The following MINPP1 variants were observed in gnomAD, a reference collection of about 807,000 sequenced individuals.
The protein encoded by MINPP1 is multiple inositol-polyphosphate phosphatase 1.
MINPP1 carries 28 observed loss-of-function variants against 46.1 expected under a neutral mutation model. The ratio of observed to expected loss-of-function variants is 0.61; its 90% CI spans 0.45 to 0.83. The LOEUF is 0.83. Ranked by LOEUF, MINPP1 falls within the 40% of genes least tolerant of loss-of-function variation. The pLI is 0.00. For synonymous variants in MINPP1, 268 were observed against 249.1 expected, an observed-to-expected ratio of 1.08 and a Z score of -0.72; for missense variants, 603 against 610.0, an observed-to-expected ratio of 0.99 and a Z score of 0.12.
intron 2 of MINPP1, among the ~76,000 whole-genome samples, chr10:87,509,483 C>G (rs945867987): frequency 3.9e-5 from 6 of 152,166 alleles, no homozygotes; most frequent in Admixed American, 1.3e-4. Flanking sequence ...ATAATTCAAA[C>G]ACGAAGATAA....
chr10:87,511,717 AT>A (rs34844494), intron 2 of MINPP1, among the ~76,000 whole-genome samples: 1 of 149,706 alleles, frequency 6.7e-6, no homozygotes, highest in Non-Finnish European at 1.5e-5. Context: ...TTTTTGGTGA[AT>A]TTTTTTTTTC....
intron 4 of MINPP1, among the ~76,000 whole-genome samples, chr10:87,524,076 A>T (rs143995860): frequency 6.6e-6 from 1 of 152,320 alleles, no homozygotes; most frequent in Non-Finnish European, 1.5e-5. Context: ...GAGTCATCCT[A>T]TCCTTTGAAG....
At chr10:87,538,266 G>A (rs1449261363) in intron 4 of MINPP1, among the ~76,000 whole-genome samples, 1 of 152,104 alleles carries the variant, frequency 6.6e-6, no homozygotes. Context: ...TGTGAATTCA[G>A]CCAGTGTGGC....
chr10:87,527,932 T>G (rs1236117216), intron 4 of MINPP1, among the ~76,000 whole-genome samples: 1 of 152,196 alleles, frequency 6.6e-6, no homozygotes, highest in African/African-American at 2.4e-5. Context: ...TGGTTTAGTC[T>G]TGGGAGGGTG....
Position 87,505,198 on chromosome 10 carries a change from A to G in MINPP1, c.283A>G (p.Thr95Ala), listed in dbSNP as rs1476698788. 3 of 1,609,982 alleles carry G rather than the reference A, an allele frequency of 1.9e-6. No homozygotes were observed. Among genetic ancestry groups the G allele is most frequent in the East Asian group, 4.5e-5 (2 of 44,802 alleles). The change falls in exon 1 of 5, where the codon ACG (threonine) becomes GCG (alanine). Residue 95 changes from threonine (T) to alanine (A), a missense_variant. Around this residue, in one of 3 missense-constraint regions of MINPP1, gnomAD observed 239 missense variants for 189.4 expected, o/e 1.26. Coordinates refer to ENST00000371996, the MANE Select transcript of MINPP1 (RefSeq NM_004897.5). This position sits in a 1 kb window ranked among gnomAD's most constrained non-coding sequence, Gnocchi z 4.4. ...ALIRHGTRYP[T>A]VKQIRKLRQL... ...CATTCGCCACGGCACCCGCTACCCC[A>G]CGGTCAAACAGATCCGCAAGCTGAG...
intron 4 of MINPP1, among the ~76,000 whole-genome samples, chr10:87,544,485 G>T (rs942151415): frequency 2.0e-5 from 3 of 152,178 alleles, no homozygotes; most frequent in Non-Finnish European, 4.4e-5. Flanking sequence ...CTTCCCTGAG[G>T]TTGAGGGATG....
At chr10:87,547,277 G>GT (rs2131843338) in intron 4 of MINPP1, among the ~76,000 whole-genome samples, 1 of 152,142 alleles carries the variant, frequency 6.6e-6, no homozygotes, top group Non-Finnish European at 1.5e-5. Flanking sequence ...CACCCAGCTA[G>GT]TTTTTTTGTA....
chr10:87,528,592 A>G (rs1465707715), intron 4 of MINPP1, among the ~76,000 whole-genome samples: 2 of 151,484 alleles, frequency 1.3e-5, no homozygotes, highest in Non-Finnish European at 2.9e-5. Flanking sequence ...TATAATTTCT[A>G]TTCTTTTACA....
At position 87,513,119 on chromosome 10, in the gene MINPP1, C is replaced by T. The variant is rs1851359637; in HGVS notation, c.836-5C>T. On this transcript the variant is annotated splice_region_variant and splice_polypyrimidine_tract_variant and intron_variant, in intron 2 of 4. Transcript: ENST00000371996. ...CCACAAAATTTTACCTTTTTTTCCC[C>T]CCAGATTTAATTCAAGTAGCCTTTT... is the stretch of plus-strand genomic sequence containing the variant. 2.5e-6 allele frequency: 4 copies of T among 1,612,010 alleles called. No individual in the cohort carries two copies. In the African/African-American group the frequency reaches 5.3e-5, roughly 22 times the overall value.
At chr10:87,536,648 A>T (rs1241327588) in intron 4 of MINPP1, among the ~76,000 whole-genome samples, 1 of 152,128 alleles carries the variant, frequency 6.6e-6, no homozygotes, top group Non-Finnish European at 1.5e-5. Flanking sequence ...ATATAATGGA[A>T]TCATAGTGAA....
chr10:87,527,541 T>C (rs1851595458), intron 4 of MINPP1, among the ~76,000 whole-genome samples: 3 of 152,216 alleles, frequency 2.0e-5, no homozygotes, highest in Non-Finnish European at 4.4e-5. Flanking sequence ...TGTGGTTTTT[T>C]CCTTTGGTTC....
At chr10:87,521,607 A>G (rs918202852) in intron 4 of MINPP1, among the ~76,000 whole-genome samples, 1 of 151,978 alleles carries the variant, frequency 6.6e-6, no homozygotes, top group Admixed American at 6.6e-5. Flanking sequence ...TCCCCCCTCA[A>G]CTTTATGTTT....
rs769988677 is a variant in MINPP1, at chr10:87,505,391, T to G, written c.476T>G (p.Leu159Arg). 1.2e-6 allele frequency: 2 copies of G among 1,613,840 alleles called. No individual in the cohort carries two copies. Among genetic ancestry groups the G allele is most frequent in the East Asian group, 4.5e-5 (2 of 44,890 alleles). The change falls in exon 1 of 5, where the codon CTG becomes CGG. Residue 159 changes from leucine (L) to arginine (R), a missense_variant. Coordinates refer to ENST00000371996, the MANE Select transcript of MINPP1 (RefSeq NM_004897.5). This position sits in a 1 kb window ranked among gnomAD's most constrained non-coding sequence, Gnocchi z 4.4. ...KGRQDMRQLA[L>R]RLASLFPALF... The stretch of plus-strand genomic sequence containing the variant: ...CGGCAGGATATGCGACAGCTGGCGC[T>G]GCGTCTGGCCTCGCTCTTCCCGGCC...
At chr10:87,530,776 G>T (rs1425509235) in intron 4 of MINPP1, among the ~76,000 whole-genome samples, 1 of 152,214 alleles carries the variant, frequency 6.6e-6, no homozygotes, top group Non-Finnish European at 1.5e-5. Flanking sequence ...GCTGCATTTT[G>T]TTCAGCTACG....
chr10:87,541,539 A>G (rs112318494), intron 4 of MINPP1, among the ~76,000 whole-genome samples: 15 of 152,216 alleles, frequency 9.9e-5, no homozygotes, highest in African/African-American at 3.6e-4. Flanking sequence ...CTTCACACCA[A>G]CACAACAATA....
intron 2 of MINPP1, among the ~76,000 whole-genome samples, chr10:87,508,834 T>C (rs940259680): frequency 1.3e-5 from 2 of 152,186 alleles, no homozygotes; most frequent in East Asian, 3.8e-4. Context: ...AAACAAATTA[T>C]CTTTTCTGAA....
At chr10:87,550,331 T>C (rs1193727020) in intron 4 of MINPP1, among the ~76,000 whole-genome samples, 1 of 152,216 alleles carries the variant, frequency 6.6e-6, no homozygotes, top group Non-Finnish European at 1.5e-5. Flanking sequence ...ATACAGGTTT[T>C]AGGTATTTTA....
At chr10:87,545,026 AT>A (rs1460689492) in intron 4 of MINPP1, among the ~76,000 whole-genome samples, 1 of 152,198 alleles carries the variant, frequency 6.6e-6, no homozygotes, top group Non-Finnish European at 1.5e-5. Flanking sequence ...CAACCTAGAC[AT>A]TTAGTGAATT....
At chr10:87,532,614 G>A (rs1351676814) in intron 4 of MINPP1, among the ~76,000 whole-genome samples, 1 of 152,212 alleles carries the variant, frequency 6.6e-6, no homozygotes, top group Non-Finnish European at 1.5e-5. Context: ...GATTTTAAAA[G>A]ATGCTTATTT....
Sources: gnomAD v4.1 joint callset for allele counts (sites outside exome capture counted in the v4.1 genomes callset) on GRCh38, gnomAD v4.1.1 for gene constraint, gnomAD v4.1.1 regional missense constraint, Gnocchi (gnomAD v3.1) non-coding constraint, MANE v1.5 for transcripts, NCBI Gene and HGNC (gene_info 2026-07-23, HGNC 2026-07-21) for gene names.